TMPO: variants seen among roughly 807,000 people sequenced by gnomAD.
TMPO encodes thymopoietin.
A neutral mutation model predicts 45.4 loss-of-function variants in TMPO; 22 were observed. That is an observed-to-expected ratio of 0.48 (90% CI 0.35 to 0.69). The LOEUF (loss-of-function observed/expected upper bound fraction) is 0.69, where lower values mean the gene tolerates loss of function less well. TMPO is among the 30% of genes least tolerant of loss of function. The pLI, the probability that TMPO is intolerant of heterozygous loss-of-function variation, is 0.01. For missense variants in TMPO, 512 were observed against 548.8 expected, an observed-to-expected ratio of 0.93 and a Z score of 0.67; for synonymous variants, 241 against 204.1, an observed-to-expected ratio of 1.18 and a Z score of -1.54.
At chr12:98,536,260 G>A (rs1877558967) in intron 3 of TMPO, among the ~76,000 whole-genome samples, 1 of 152,108 alleles carries the variant, frequency 6.6e-6, no homozygotes, top group Non-Finnish European at 1.5e-5. Flanking sequence ...TGTCTCTTCA[G>A]TAAGAAAGTA....
In TMPO at chr12:98,534,182, C is replaced by T. The variant is rs771302317; in HGVS notation, c.565+2344C>T. 2 of 1,613,904 alleles carry T rather than the reference C, an allele frequency of 1.2e-6. No individual in the cohort carries two copies. The highest frequency in any genetic ancestry group is 1.7e-6 in the Non-Finnish European group (2 of 1,179,892). ...GATGAAGTGAAGATGGCTGCCCATA[C>T]CATGGGAAATGCCACTGTAGGTCGT... On this transcript the variant is annotated intron_variant, in intron 3 of 8. Coordinates refer to ENST00000556029, the MANE Select transcript of TMPO (RefSeq NM_001032283.3).
In TMPO at chr12:98,544,998, G is replaced by T. The variant is rs374561277; in HGVS notation, c.927G>T (p.Leu309=). The T allele has an allele frequency of 5.5e-5, 89 of 1,613,542 alleles. No individual in the cohort carries two copies. Among genetic ancestry groups the T allele is most frequent in the Non-Finnish European group, 7.5e-5 (88 of 1,179,956 alleles). The change falls in exon 7 of 9, where the codon CTG becomes CTT. Residue 309 remains leucine, a synonymous_variant. Coordinates refer to ENST00000556029, the MANE Select transcript of TMPO (RefSeq NM_001032283.3). ...ATTTCAAGCATGCATCTCCTATTCTGCCAATCACTGAATTCTCAGACATAC... is the reference window on the plus strand; with the variant it reads ...ATTTCAAGCATGCATCTCCTATTCTTCCAATCACTGAATTCTCAGACATAC... The part of the protein sequence containing the change: ...TGNFKHASPI[L]PITEFSDIPR...
chr12:98,532,780 AC>A (rs754715288), intron 3 of TMPO: 1 of 1,613,944 alleles, frequency 6.2e-7, no homozygotes, highest in Admixed American at 1.7e-5. Flanking sequence ...ATCAGCTCAA[AC>A]ACAGGTAATG....
At chr12:98,540,339 G>A (rs1385302145) in intron 4 of TMPO, among the ~76,000 whole-genome samples, 1 of 152,190 alleles carries the variant, frequency 6.6e-6, no homozygotes, top group Non-Finnish European at 1.5e-5. Context: ...ATGGTGACTA[G>A]TGAGGCTGAG....
chr12:98,517,964 A>AC (rs1424683843), intron 1 of TMPO, among the ~76,000 whole-genome samples: 1 of 152,160 alleles, frequency 6.6e-6, no homozygotes, highest in Non-Finnish European at 1.5e-5. Context: ...GGAGTTCTAG[A>AC]CCAGCCTGGC....
At chr12:98,529,503 G>A (rs865992589) in intron 2 of TMPO, among the ~76,000 whole-genome samples, 1 of 152,226 alleles carries the variant, frequency 6.6e-6, no homozygotes, top group Non-Finnish European at 1.5e-5. Context: ...ATTTTGCAGT[G>A]TTGATTATGC....
chr12:98,532,971 A>G lies in TMPO; in HGVS notation c.565+1133A>G, dbSNP rs771910398. 6 of 1,614,148 alleles carry G rather than the reference A, an allele frequency of 3.7e-6. No homozygotes were observed. The East Asian group carries it at 6.7e-5, about 18-fold the overall frequency. ...GTCCTCCTTTGGGCAGTACCGAACT[A>G]CAGGCAGCTAAGAAAGTACATACTT... On this transcript the variant is annotated intron_variant, in intron 3 of 8. Coordinates refer to ENST00000556029, the MANE Select transcript of TMPO (RefSeq NM_001032283.3).
chr12:98,547,866 C>G lies in TMPO; in HGVS notation c.*8C>G, dbSNP rs769442587. On this transcript the variant is annotated 3_prime_UTR_variant, in exon 9 of 9. Coordinates refer to ENST00000556029, the MANE Select transcript of TMPO (RefSeq NM_001032283.3). The stretch of plus-strand genomic sequence containing the variant: ...CCTAGAAAATCCAACTGAATGGTAT[C>G]TCTTTGGCACGTTCAACTTGGTCTC... 1.4e-5 allele frequency: 23 copies of G among 1,613,568 alleles called. No homozygotes were observed. Among genetic ancestry groups the G allele is most frequent in the Non-Finnish European group, 1.9e-5 (22 of 1,179,914 alleles).
In TMPO at chr12:98,548,015, G is replaced by A; in HGVS notation, c.*157G>A. The A allele has an allele frequency of 1.2e-6, 1 of 818,154 alleles. No individual in the cohort carries two copies. Among genetic ancestry groups the A allele is most frequent in the Non-Finnish European group, 1.9e-6 (1 of 535,932 alleles). 50.7% of individuals were successfully genotyped at this position (818,154 alleles called of 1,614,324 possible). A position where few individuals can be genotyped will look rare whatever the true frequency, so the allele number is the denominator to read the frequency against. ...AAAAGCAAACAAAATATATATAAAT[G>A]GACTTCATTAAAATGTTTTTGAACT... On this transcript the variant is annotated 3_prime_UTR_variant, in exon 9 of 9. Coordinates refer to ENST00000556029, the MANE Select transcript of TMPO (RefSeq NM_001032283.3).
intron 4 of TMPO, among the ~76,000 whole-genome samples, chr12:98,542,025 C>G (rs1877943577): frequency 6.6e-6 from 1 of 152,132 alleles, no homozygotes; most frequent in Non-Finnish European, 1.5e-5. Context: ...TTTATTTAAC[C>G]ACTCTCCATT....
Position 98,544,510 on chromosome 12 carries a change from T to C in TMPO, c.852T>C (p.Thr284=). Residue 284 remains threonine (T), a synonymous_variant, in exon 6 of 9, where the codon ACT becomes ACC. Transcript: ENST00000556029. ...VISESTPIAE[T]IMASSNESLV... Reference sequence around the variant, plus strand: ...CAGAGAGTACTCCCATAGCTGAAACTATAATGGCTTCAAGCAACGAATCCT... The same window carrying C: ...CAGAGAGTACTCCCATAGCTGAAACCATAATGGCTTCAAGCAACGAATCCT... 1 of 1,613,678 alleles carries C rather than the reference T, an allele frequency of 6.2e-7. No homozygotes were observed. Among genetic ancestry groups the C allele is most frequent in the Non-Finnish European group, 8.5e-7 (1 of 1,179,664 alleles).
chr12:98,526,312 A>G (rs1027872636), intron 1 of TMPO, among the ~76,000 whole-genome samples: 6 of 152,176 alleles, frequency 3.9e-5, no homozygotes, highest in African/African-American at 1.4e-4. Flanking sequence ...CCTGTCTCCT[A>G]TCCTTGGGGT....
At chr12:98,541,345 A>G (rs530532466) in intron 4 of TMPO, among the ~76,000 whole-genome samples, 1 of 152,184 alleles carries the variant, frequency 6.6e-6, no homozygotes, top group Non-Finnish European at 1.5e-5. Context: ...TAAATCATGA[A>G]TTAATGGTGA....
intron 3 of TMPO, chr12:98,533,837 C>G (rs774143437): frequency 1.2e-6 from 2 of 1,614,182 alleles, no homozygotes; most frequent in Admixed American, 3.3e-5. Flanking sequence ...TCCAGGGAGG[C>G]AACACAGATA....
Position 98,536,440 on chromosome 12 carries a change from G to A in TMPO, c.566-1035G>A, listed in dbSNP as rs574139455. Among the ~76,000 whole-genome samples the A allele has an allele frequency of 2.0e-4, 31 of 151,532 alleles. No homozygotes were observed. The East Asian group carries it at 4.9e-3, about 24-fold the overall frequency. ...GTGATCTCAGCTCGCTGCAACCTCC[G>A]CCTCCCAGGTTCAAGCAATTCTCCT... On this transcript the variant is annotated intron_variant, in intron 3 of 8. Coordinates refer to ENST00000556029, the MANE Select transcript of TMPO (RefSeq NM_001032283.3).
intron 2 of TMPO, among the ~76,000 whole-genome samples, 156 bp downstream of exon 2, chr12:98,528,168 G>A (rs1006488124): frequency 4.6e-5 from 7 of 151,530 alleles, no homozygotes; most frequent in African/African-American, 1.7e-4. Context: ...GTAAATGAGT[G>A]AAATAAAATG....
At chr12:98,534,803 C>G (rs1233054872) in intron 3 of TMPO, 2 of 1,001,974 alleles carry the variant, frequency 2.0e-6, no homozygotes, top group African/African-American at 3.5e-5. Context: ...CATAACTTGT[C>G]CATATTTTTG....
chr12:98,544,008 A>G (rs920243807), intron 4 of TMPO, among the ~76,000 whole-genome samples: 2 of 152,172 alleles, frequency 1.3e-5, no homozygotes, highest in African/African-American at 4.8e-5. Flanking sequence ...GTGAGCTACT[A>G]TAGGTGGATT....
rs546406741 is a variant in TMPO, at chr12:98,546,787, A to G, written c.1079+340A>G. On this transcript the variant is annotated intron_variant, in intron 8 of 8. Coordinates refer to ENST00000556029, the MANE Select transcript of TMPO (RefSeq NM_001032283.3). Reference sequence around the variant, plus strand: ...AAGTTGAATGAGTTTCAAAATTGCGATTGGTAAATGGAGGATTTTAAATAA... The same window carrying G: ...AAGTTGAATGAGTTTCAAAATTGCGGTTGGTAAATGGAGGATTTTAAATAA... Among the ~76,000 whole-genome samples the G allele has an allele frequency of 8.8e-3, 1,338 of 152,338 alleles. 10 individuals are homozygous for G. Among genetic ancestry groups the G allele is most frequent in the African/African-American group, 0.026 (1,095 of 41,594 alleles).
Sources: gnomAD v4.1 joint callset for allele counts (sites outside exome capture counted in the v4.1 genomes callset) on GRCh38, gnomAD v4.1.1 for gene constraint, MANE v1.5 for transcripts, NCBI Gene and HGNC (gene_info 2026-07-23, HGNC 2026-07-21) for gene names.